DSCAM: variants seen among roughly 807,000 people sequenced by gnomAD.
The protein encoded by DSCAM is cell adhesion molecule DSCAM.
DSCAM carries 47 observed loss-of-function variants against 217.7 expected under a neutral mutation model. The ratio of observed to expected loss-of-function variants is 0.22; its 90% confidence interval spans 0.17 to 0.28. DSCAM has a LOEUF of 0.28. Ranked by LOEUF, DSCAM falls within the 10% of genes least tolerant of loss-of-function variation. DSCAM has a pLI of 1.00. For synonymous variants in DSCAM, 1,056 were observed against 1,015.3 expected, an observed-to-expected ratio of 1.04 and a Z score of -0.76; for missense variants, 2,080 against 2,618.3, an observed-to-expected ratio of 0.79 and a Z score of 4.49.
chr21:40,843,982 A>AC (rs2092124194), intron 1 of DSCAM, among the ~76,000 whole-genome samples: 1 of 152,098 alleles, frequency 6.6e-6, no homozygotes, highest in Non-Finnish European at 1.5e-5. Context: ...AAATGAAAAA[A>AC]AAAAGTTATC....
chr21:40,122,950 A>T (rs2090050857), intron 20 of DSCAM, among the ~76,000 whole-genome samples: 1 of 152,230 alleles, frequency 6.6e-6, no homozygotes, highest in East Asian at 1.9e-4. Flanking sequence ...TTGTTTGGGA[A>T]TATTTTTCAG....
intron 18 of DSCAM, among the ~76,000 whole-genome samples, chr21:40,140,623 G>A (rs1465558593): frequency 6.6e-6 from 1 of 152,186 alleles, no homozygotes; most frequent in East Asian, 1.9e-4. Flanking sequence ...AGAAACATAT[G>A]TAATGATATC....
At chr21:40,236,000 C>G (rs2073072968) in intron 11 of DSCAM, among the ~76,000 whole-genome samples, 1 of 152,166 alleles carries the variant, frequency 6.6e-6, no homozygotes, top group Non-Finnish European at 1.5e-5. Flanking sequence ...GCTGTATTAT[C>G]AAGTACCATA....
intron 11 of DSCAM, among the ~76,000 whole-genome samples, chr21:40,269,911 C>A (rs2073593322): frequency 6.6e-6 from 1 of 152,144 alleles, no homozygotes; most frequent in Non-Finnish European, 1.5e-5. Context: ...CTGGAGGTTA[C>A]AAATTCAACA....
intron 3 of DSCAM, among the ~76,000 whole-genome samples, chr21:40,544,512 A>T (rs745819731): frequency 6.6e-6 from 1 of 152,164 alleles, no homozygotes; most frequent in Non-Finnish European, 1.5e-5. Context: ...AGACATAGAG[A>T]AGAACCCCCT....
At chr21:40,346,011 T>C (rs909026695) in intron 6 of DSCAM, among the ~76,000 whole-genome samples, 2 of 152,248 alleles carry the variant, frequency 1.3e-5, no homozygotes, top group Non-Finnish European at 2.9e-5. Flanking sequence ...GCTGTCACTC[T>C]GATAACCTGA....
At chr21:40,413,760 T>C (rs2075344900) in intron 3 of DSCAM, among the ~76,000 whole-genome samples, 1 of 152,140 alleles carries the variant, frequency 6.6e-6, no homozygotes, top group African/African-American at 2.4e-5. Flanking sequence ...AAGATAAACA[T>C]AGGGACCTAA....
intron 1 of DSCAM, among the ~76,000 whole-genome samples, chr21:40,831,000 G>A (rs1459576650): frequency 6.6e-6 from 1 of 152,190 alleles, no homozygotes; most frequent in East Asian, 1.9e-4. Flanking sequence ...CACGACAGGG[G>A]ACCAACCAGT....
intron 3 of DSCAM, among the ~76,000 whole-genome samples, chr21:40,599,043 G>A (rs2077043128): frequency 6.6e-6 from 1 of 151,842 alleles, no homozygotes; most frequent in Non-Finnish European, 1.5e-5. Context: ...TTTTAACATT[G>A]GATCATTTGT....
intron 3 of DSCAM, among the ~76,000 whole-genome samples, chr21:40,518,130 G>A (rs2146079185): frequency 6.6e-6 from 1 of 150,744 alleles, no homozygotes; most frequent in East Asian, 2.0e-4. Context: ...CCTCGATACT[G>A]AGTATTCCTA....
chr21:40,666,522 C>T (rs2090201841), intron 3 of DSCAM, among the ~76,000 whole-genome samples: 1 of 152,216 alleles, frequency 6.6e-6, no homozygotes, highest in Admixed American at 6.5e-5. Flanking sequence ...TTCACCAACA[C>T]CTGTTCTTCC....
At chr21:40,495,029 G>T (rs371310344) in intron 3 of DSCAM, among the ~76,000 whole-genome samples, 23 of 151,942 alleles carry the variant, frequency 1.5e-4, no homozygotes, top group African/African-American at 5.3e-4. Context: ...AACTTACCAA[G>T]ACTGAATCAT....
At chr21:40,098,509 A>C (rs1201979473) in intron 20 of DSCAM, among the ~76,000 whole-genome samples, 1 of 152,248 alleles carries the variant, frequency 6.6e-6, no homozygotes, top group Admixed American at 6.5e-5. Flanking sequence ...CTCTGGTCCC[A>C]AGTCTGGTGC....
At chr21:40,525,230 TA>T (rs2076391615) in intron 3 of DSCAM, among the ~76,000 whole-genome samples, 1 of 152,170 alleles carries the variant, frequency 6.6e-6, no homozygotes, top group Admixed American at 6.5e-5. Context: ...ATGGCAAGTA[TA>T]TACATATAAT....
chr21:40,187,194 T>C lies in DSCAM; in HGVS notation c.2716A>G (p.Thr906Ala). ...GGACTGTTTCCATCAAACCCCATGG[T>C]CCACCTGAGCGTAATTGTGCGTGCT... ...VKARTITLRW[T>A]MGFDGNSPIT... The change falls in exon 14 of 33, where the codon ACC (threonine) becomes GCC (alanine). Residue 906 changes from threonine to alanine, a missense_variant. Transcript: ENST00000400454. 2 of 1,614,198 alleles carry C rather than the reference T, an allele frequency of 1.2e-6. No homozygotes were observed. Among genetic ancestry groups the C allele is most frequent in the Non-Finnish European group, 1.7e-6 (2 of 1,180,024 alleles).
chr21:40,832,459 T>C (rs541696158), intron 1 of DSCAM, among the ~76,000 whole-genome samples: 21 of 152,282 alleles, frequency 1.4e-4, no homozygotes, highest in African/African-American at 4.8e-4. Context: ...TGAAGGAGAT[T>C]ACACAATATT....
At position 40,429,197 on chromosome 21, in the gene DSCAM, C is replaced by T. The variant is rs370482938; in HGVS notation, c.509-59952G>A. On this transcript the variant is annotated intron_variant, in intron 3 of 32. Coordinates refer to ENST00000400454, the MANE Select transcript of DSCAM (RefSeq NM_001389.5). ...AGATTTCCAATTTTTTGCAAAATGT[C>T]TTTTGCAAAATATAATTTTAAATGT... is the stretch of plus-strand genomic sequence containing the variant. Among the ~76,000 whole-genome samples the T allele has an allele frequency of 1.6e-4, 24 of 151,596 alleles. No individual in the cohort carries two copies. The South Asian group carries it at 2.7e-3, about 17-fold the overall frequency.
chr21:40,486,058 A>G (rs796799565), intron 3 of DSCAM, among the ~76,000 whole-genome samples: 2 of 152,342 alleles, frequency 1.3e-5, no homozygotes, highest in African/African-American at 4.8e-5. Context: ...AGCCTGAGAT[A>G]TAGCTAATAT....
intron 1 of DSCAM, among the ~76,000 whole-genome samples, chr21:40,759,104 G>C (rs2091304788): frequency 6.6e-6 from 1 of 152,148 alleles, no homozygotes; most frequent in South Asian, 2.1e-4. Context: ...GAAGGGTAGA[G>C]AGAAGGGACA....
Sources: allele counts gnomAD v4.1 joint callset (sites outside exome capture counted in the v4.1 genomes callset), GRCh38; gene constraint gnomAD v4.1.1; transcripts MANE v1.5; gene names NCBI Gene and HGNC (gene_info 2026-07-23, HGNC 2026-07-21).